The following FOXP1 variants were observed in gnomAD, a reference collection of about 807,000 sequenced individuals.
The protein encoded by FOXP1 is forkhead box P1.
FOXP1 carries 15 observed loss-of-function variants against 98.2 expected under a neutral mutation model. The ratio of observed to expected loss-of-function variants is 0.15; its 90% confidence interval spans 0.10 to 0.24. The LOEUF is 0.24. FOXP1 is among the 10% of genes least tolerant of loss of function. The probability of loss-of-function intolerance (pLI) is 1.00; values close to 1 mark genes in which losing one functional copy is unlikely to be tolerated. For synonymous variants in FOXP1, 371 were observed against 314.5 expected (o/e 1.18, Z -1.90); for missense variants, 633 against 848.5 (o/e 0.75, Z 3.15).
intron 2 of FOXP1, among the ~76,000 whole-genome samples, chr3:71,515,477 C>T (rs559989864): frequency 1.3e-5 from 2 of 148,892 alleles, no homozygotes; most frequent in East Asian, 3.9e-4. Flanking sequence ...CAGCTGAGCT[C>T]GCCGCAAGTC....
At chr3:71,007,076 C>T (rs574191188) in intron 12 of FOXP1, among the ~76,000 whole-genome samples, 40 of 151,970 alleles carry the variant, frequency 2.6e-4, no homozygotes, top group Admixed American at 2.3e-3. Context: ...AACTCCTAAG[C>T]AATGTCAGAA....
At chr3:71,442,297 G>T (rs938982410) in intron 3 of FOXP1, among the ~76,000 whole-genome samples, 3 of 151,102 alleles carry the variant, frequency 2.0e-5, no homozygotes, top group African/African-American at 7.3e-5. Context: ...AGGGACTAAG[G>T]ACACGTCTTT....
chr3:71,104,474 G>A (rs2057260323), intron 7 of FOXP1, among the ~76,000 whole-genome samples: 1 of 152,046 alleles, frequency 6.6e-6, no homozygotes, highest in African/African-American at 2.4e-5. Context: ...CAGAACTTTT[G>A]AGTAATGAGA....
chr3:71,219,171 AGCATGCCCTCATC>A (rs1472676167), intron 5 of FOXP1, among the ~76,000 whole-genome samples: 1 of 152,136 alleles, frequency 6.6e-6, no homozygotes, highest in Non-Finnish European at 1.5e-5. Context: ...CTTGCCTGGG[AGCATGCCCTCATC>A]ACATGCCCTC....
In FOXP1 at chr3:71,123,780, G is replaced by C. The variant is rs1001393061; in HGVS notation, c.181-11143C>G. Among the ~76,000 whole-genome samples the C allele has an allele frequency of 3.0e-4, 45 of 152,020 alleles. 2 individuals carry two copies. The highest frequency in any genetic ancestry group is 2.9e-5 in the Non-Finnish European group (2 of 68,002). ...ACATTCTTCTTCTTCTTTTTTTGGT[G>C]GAGGTGGTATGGGTGCTAAATTACT... On this transcript the variant is annotated intron_variant, in intron 6 of 20. Transcript: ENST00000649528.
chr3:71,298,679 A>G (rs1320011123), intron 5 of FOXP1, among the ~76,000 whole-genome samples: 2 of 152,140 alleles, frequency 1.3e-5, no homozygotes, highest in African/African-American at 2.4e-5. Flanking sequence ...AAATGATGCA[A>G]GTCTGATTTT....
Position 71,505,775 on chromosome 3 carries a change from A to G in FOXP1, c.-297-12220T>C, listed in dbSNP as rs367725797. ...CTCTCGGTCTCCCTTCAATTCTCCC[A>G]TTTTCTTCTGAATCACAACTGTGGG... is the stretch of plus-strand genomic sequence containing the variant. On this transcript the variant is annotated intron_variant, in intron 2 of 20. Coordinates refer to ENST00000649528, the MANE Select transcript of FOXP1 (RefSeq NM_001349338.3). 8.6e-5 allele frequency among the ~76,000 whole-genome samples: 13 copies of G among 151,470 alleles called. No homozygotes were observed. The East Asian group carries it at 1.4e-3, about 16-fold the overall frequency.
At chr3:71,131,086 G>A (rs2059545176) in intron 6 of FOXP1, 1 of 253,148 alleles carries the variant, frequency 4.0e-6, no homozygotes, top group African/African-American at 2.3e-5. Context: ...TTCAGATTTT[G>A]CAGACTTTAG....
chr3:71,439,085 T>G lies in FOXP1; in HGVS notation c.-168+54341A>C, dbSNP rs115409786. ...ACTGTTTCATTAAATTGCACAAGGA[T>G]GGGACTGCCTATGCAGGTGGCAGAC... On this transcript the variant is annotated intron_variant, in intron 3 of 20. Coordinates refer to ENST00000649528, the MANE Select transcript of FOXP1 (RefSeq NM_001349338.3). 7.6e-3 allele frequency among the ~76,000 whole-genome samples: 1,164 copies of G among 152,324 alleles called. 16 individuals carry two copies. The highest frequency in any genetic ancestry group is 0.024 in the East Asian group (125 of 5,180).
intron 6 of FOXP1, among the ~76,000 whole-genome samples, chr3:71,193,556 C>A (rs1317701485): frequency 6.6e-6 from 1 of 151,770 alleles, no homozygotes; most frequent in Non-Finnish European, 1.5e-5. Context: ...TCAAGTGATT[C>A]TCCTGCCTCA....
chr3:71,275,668 AC>A (rs2070807541), intron 5 of FOXP1, among the ~76,000 whole-genome samples: 1 of 152,022 alleles, frequency 6.6e-6, no homozygotes, highest in African/African-American at 2.4e-5. Flanking sequence ...TTCCCCCACC[AC>A]CTTTTTTAAA....
chr3:71,458,352 T>C (rs1326513536), intron 3 of FOXP1, among the ~76,000 whole-genome samples: 1 of 152,180 alleles, frequency 6.6e-6, no homozygotes, highest in Non-Finnish European at 1.5e-5. Flanking sequence ...CATGTCCACA[T>C]ACACACATTA....
chr3:71,348,822 G>A (rs1236631409), intron 4 of FOXP1, among the ~76,000 whole-genome samples: 1 of 152,104 alleles, frequency 6.6e-6, no homozygotes, highest in African/African-American at 2.4e-5. Flanking sequence ...TGTTATGTGT[G>A]CTAAGAAAGT....
At chr3:71,103,189 A>C (rs964475387) in intron 7 of FOXP1, among the ~76,000 whole-genome samples, 3 of 152,318 alleles carry the variant, frequency 2.0e-5, no homozygotes, top group Admixed American at 2.0e-4. Context: ...AGTTTGAATG[A>C]ATGAATGCAT....
Position 71,232,877 on chromosome 3 carries a change from C to CAAAAAAAAAAAAAAAAAAAAAAAA in FOXP1, c.-11-34486_-11-34485insTTTTTTTTTTTTTTTTTTTTTTTT, listed in dbSNP as rs59404230. On this transcript the variant is annotated intron_variant, in intron 5 of 20. Transcript: ENST00000649528. ...CGTGCCACAGAGCAAAACTCTGTCT[C>CAAAAAAAAAAAAAAAAAAAAAAAA]AAAAAAAAAAAAAAAAAAAGCAAGA... Among the ~76,000 whole-genome samples, 75 of 31,394 alleles carry CAAAAAAAAAAAAAAAAAAAAAAAA rather than the reference C, an allele frequency of 2.4e-3. 9 individuals carry two copies. Among genetic ancestry groups the CAAAAAAAAAAAAAAAAAAAAAAAA allele is most frequent in the Non-Finnish European group, 2.9e-3 (50 of 16,958 alleles). 20.6% of individuals were successfully genotyped at this position (31,394 alleles called of 152,430 possible).
rs780237123 is a variant in FOXP1 at position 70,976,922 on chromosome 3, C to A, written c.1530+19G>T. The A allele has an allele frequency of 1.3e-6, 2 of 1,572,330 alleles. No individual in the cohort carries two copies. Among genetic ancestry groups the A allele is most frequent in the Non-Finnish European group, 1.8e-6 (2 of 1,142,028 alleles). On this transcript the variant is annotated intron_variant, in intron 17 of 20. Coordinates refer to ENST00000649528, the MANE Select transcript of FOXP1 (RefSeq NM_001349338.3). ...ATGAACGTCAAGATCCAAGAATAAA[C>A]AGGCCTGAGAAAGCTTACCTTCCAC...
intron 4 of FOXP1, among the ~76,000 whole-genome samples, chr3:71,349,217 C>G (rs2077605501): frequency 1.3e-5 from 2 of 152,070 alleles, no homozygotes; most frequent in East Asian, 3.9e-4. Flanking sequence ...TATGTATATT[C>G]CTAGTGAAAG....
At chr3:71,198,421 A>AGGGTGGGGGGG (rs763275028) in intron 5 of FOXP1, 29 bp from the exon 6 acceptor site, 8 of 388,840 alleles carry the variant, frequency 2.1e-5, no homozygotes, top group Admixed American at 1.3e-4. Flanking sequence ...AGATGGGGGG[A>AGGGTGGGGGGG]GGGAGGGGGG....
intron 4 of FOXP1, among the ~76,000 whole-genome samples, chr3:71,347,034 C>CA (rs1458674603): frequency 2.6e-5 from 4 of 152,050 alleles, no homozygotes; most frequent in Non-Finnish European, 5.9e-5. Flanking sequence ...GACTCCATCT[C>CA]AAAAAAATTA....
Sources: gnomAD v4.1 joint callset for allele counts (sites outside exome capture counted in the v4.1 genomes callset) on GRCh38, gnomAD v4.1.1 for gene constraint, MANE v1.5 for transcripts, NCBI Gene and HGNC (gene_info 2026-07-23, HGNC 2026-07-21) for gene names.